The following NEO1 variants were observed in gnomAD, a reference collection of about 807,000 sequenced individuals.
NEO1 encodes the protein neogenin 1.
NEO1 carries 63 observed loss-of-function variants against 159.7 expected under a neutral mutation model. The ratio of observed to expected loss-of-function variants is 0.39; its 90% CI spans 0.32 to 0.49. NEO1 has a LOEUF of 0.49. Among genes scored for constraint, NEO1 ranks in the 20% least tolerant of loss-of-function variants. The pLI, the probability that NEO1 is intolerant of heterozygous loss-of-function variation, is 0.85. For synonymous variants in NEO1, 633 were observed against 662.0 expected, an observed-to-expected ratio of 0.96 and a Z score of 0.67; for missense variants, 1,615 against 1,831.0, an observed-to-expected ratio of 0.88 and a Z score of 2.15.
chr15:73,075,476 A>G (rs2068726459), intron 1 of NEO1, among the ~76,000 whole-genome samples: 1 of 152,236 alleles, frequency 6.6e-6, no homozygotes, highest in African/African-American at 2.4e-5. Flanking sequence ...TGCCAACTTT[A>G]TAAAATGAAA....
chr15:73,198,501 A>G, intron 7 of NEO1, among the ~76,000 whole-genome samples: 1 of 151,208 alleles, frequency 6.6e-6, no homozygotes, highest in East Asian at 1.9e-4. Context: ...ATTTTAGATG[A>G]CTTAGTTTAT....
intron 3 of NEO1, 26 bp from the exon 4 acceptor site, chr15:73,126,391 T>A (rs761088379): frequency 4.5e-6 from 7 of 1,562,732 alleles, no homozygotes; most frequent in African/African-American, 1.4e-5. Context: ...TTAATTATTG[T>A]CTTTGTTAAT....
At chr15:73,105,712 G>A (rs1340755638) in intron 1 of NEO1, among the ~76,000 whole-genome samples, 4 of 152,110 alleles carry the variant, frequency 2.6e-5, no homozygotes, top group African/African-American at 9.7e-5. Flanking sequence ...TAGTTGTCTT[G>A]TAGAATGTCT....
chr15:73,182,178 A>G (rs1184019175), intron 7 of NEO1, among the ~76,000 whole-genome samples: 2 of 151,964 alleles, frequency 1.3e-5, no homozygotes, highest in Non-Finnish European at 2.9e-5. Context: ...GGAAAGACCC[A>G]CCCCTATAAT....
chr15:73,154,972 CCTTT>C (rs889954751), intron 5 of NEO1, among the ~76,000 whole-genome samples: 5 of 145,684 alleles, frequency 3.4e-5, no homozygotes, highest in South Asian at 2.2e-4. Context: ...CCATTTGATT[CCTTT>C]CTTTTTCTTT....
At position 73,236,448 on chromosome 15, in the gene NEO1, G is replaced by T; in HGVS notation, c.1393G>T (p.Asp465Tyr). ...ATTGACGTGGCGGACACCTGCATCA[G>T]ATCCTCACGGAGACAACCTTACCTA... ...IKLTWRTPAS[D>Y]PHGDNLTYSV... is the part of the protein sequence containing the mutation. Residue 465 changes from aspartate (D) to tyrosine (Y), a missense_variant, in exon 8 of 29, where the codon GAT becomes TAT. Transcript: ENST00000261908. 6.2e-7 allele frequency: 1 copy of T among 1,614,160 alleles called. No individual in the cohort carries two copies. Among genetic ancestry groups the T allele is most frequent in the Non-Finnish European group, 8.5e-7 (1 of 1,180,024 alleles).
At chr15:73,256,606 C>T (rs1054504676) in intron 13 of NEO1, among the ~76,000 whole-genome samples, 2 of 152,170 alleles carry the variant, frequency 1.3e-5, no homozygotes, top group Non-Finnish European at 2.9e-5. Flanking sequence ...GCTTCTCACT[C>T]CTCACCTCAC....
At chr15:73,090,737 C>A (rs771584584) in intron 1 of NEO1, among the ~76,000 whole-genome samples, 1 of 152,170 alleles carries the variant, frequency 6.6e-6, no homozygotes, top group Non-Finnish European at 1.5e-5. Flanking sequence ...TATTACCAAT[C>A]ATTTTACATG....
chr15:73,297,715 C>G (rs1306011603), intron 26 of NEO1, among the ~76,000 whole-genome samples: 4 of 152,208 alleles, frequency 2.6e-5, no homozygotes, highest in African/African-American at 7.2e-5. Flanking sequence ...GGCTAATCTA[C>G]CCCCATTTCC....
chr15:73,166,366 A>T (rs1184348538), intron 5 of NEO1, among the ~76,000 whole-genome samples: 4 of 152,228 alleles, frequency 2.6e-5, no homozygotes, highest in Non-Finnish European at 5.9e-5. Flanking sequence ...ACCAAACTGA[A>T]CTTCGGTCTG....
Position 73,288,012 on chromosome 15 carries a change from A to G in NEO1, c.3411-301A>G, listed in dbSNP as rs112020119. The stretch of plus-strand genomic sequence containing the variant: ...GAACCTTCTGGTTATGAGATTATAT[A>G]ATGAAAAATGCTATCTTAATCTTTT... On this transcript the variant is annotated intron_variant, in intron 23 of 28. Coordinates refer to ENST00000261908, the MANE Select transcript of NEO1 (RefSeq NM_002499.4). Among the ~76,000 whole-genome samples the G allele has an allele frequency of 4.8e-3, 736 of 152,328 alleles. 16 individuals are homozygous for G. The highest frequency in any genetic ancestry group is 0.016 in the African/African-American group (680 of 41,562).
At position 73,126,441 on chromosome 15, in the gene NEO1, T is replaced by G; in HGVS notation, c.749T>G (p.Val250Gly). ...LPDPEVISDL[V>G]FLKQPSPLVR... ...GATCCTGAGGTGATATCAGACTTGG[T>G]ATTTTTGAAACAGCCTTCTCCCTTA... Residue 250 changes from valine to glycine, a missense_variant, in exon 4 of 29, where the codon GTA (valine) becomes GGA (glycine). This residue lies in a region of NEO1 where 1,018 missense variants were observed against 1,115.4 expected (regional missense o/e 0.91). Transcript: ENST00000261908. 2 of 1,606,244 alleles carry G rather than the reference T, an allele frequency of 1.2e-6. No homozygotes were observed.
intron 13 of NEO1, chr15:73,255,797 C>T (rs1036258273): frequency 2.0e-5 from 3 of 152,196 alleles, no homozygotes; most frequent in Non-Finnish European, 4.4e-5. Flanking sequence ...AGTATTGCCT[C>T]AGCTGCATCG....
At chr15:73,114,379 A>C (rs75359538) in intron 1 of NEO1, among the ~76,000 whole-genome samples, 1,591 of 152,332 alleles carry the variant, frequency 0.01, 15 homozygotes, top group Non-Finnish European at 0.016. Context: ...AGGGGTTTTA[A>C]GTGAAGAGAG....
chr15:73,077,224 A>G (rs925308855), intron 1 of NEO1, among the ~76,000 whole-genome samples: 7 of 152,002 alleles, frequency 4.6e-5, no homozygotes, highest in African/African-American at 1.2e-4. Context: ...TTGTATTTCT[A>G]GTAGAGATGG....
At position 73,277,479 on chromosome 15, in the gene NEO1, A is replaced by T. The variant is rs775610576; in HGVS notation, c.3194-652A>T. Among the ~76,000 whole-genome samples the T allele has an allele frequency of 4.6e-5, 7 of 152,092 alleles. No individual in the cohort carries two copies. The South Asian group carries it at 1.5e-3, about 32-fold the overall frequency. The stretch of plus-strand genomic sequence containing the variant: ...GCCTCACTTAGTATGTTCCCTGATG[A>T]TGGATTAGGAGACAGTGTCTTTTTG... On this transcript the variant is annotated intron_variant, in intron 21 of 28. Transcript: ENST00000261908.
chr15:73,244,486 A>G lies in NEO1; in HGVS notation c.1594A>G (p.Thr532Ala), dbSNP rs749112678. 6.2e-7 allele frequency: 1 copy of G among 1,613,630 alleles called. No individual in the cohort carries two copies. The highest frequency in any genetic ancestry group is 8.5e-7 in the Non-Finnish European group (1 of 1,179,692). Reference protein sequence around the residue: ...GESSAPLRVETQPEVQLPGPA... With the variant: ...GESSAPLRVEAQPEVQLPGPA... ...GAGTTCAGCTCCACTGCGAGTAGAA[A>G]CACAACCTGAGGGTAAGTCTTCCAC... The change falls in exon 9 of 29, where the codon ACA (threonine) becomes GCA (alanine). Residue 532 changes from threonine (T) to alanine (A), a missense_variant. Physicochemically the swap from Thr to Ala is moderately conservative, Grantham distance 58. Around this residue, in one of 3 missense-constraint regions of NEO1, gnomAD observed 1,018 missense variants for 1,115.4 expected, o/e 0.91. Coordinates refer to ENST00000261908, the MANE Select transcript of NEO1 (RefSeq NM_002499.4).
intron 15 of NEO1, among the ~76,000 whole-genome samples, chr15:73,264,152 A>T (rs1464655094): frequency 6.6e-6 from 1 of 151,874 alleles, no homozygotes; most frequent in Non-Finnish European, 1.5e-5. Context: ...ATACCACTGT[A>T]CTCCAGCTGG....
At chr15:73,159,715 T>A (rs1303785953) in intron 5 of NEO1, among the ~76,000 whole-genome samples, 1 of 152,188 alleles carries the variant, frequency 6.6e-6, no homozygotes, top group Non-Finnish European at 1.5e-5. Flanking sequence ...CCTAATCTTT[T>A]GCTGCTTCAG....
Sources: gnomAD v4.1 joint callset for allele counts (sites outside exome capture counted in the v4.1 genomes callset) on GRCh38, gnomAD v4.1.1 for gene constraint, gnomAD v4.1.1 regional missense constraint, MANE v1.5 for transcripts, NCBI Gene and HGNC (gene_info 2026-07-23, HGNC 2026-07-21) for gene names.